Variants in SEC31B observed in about 807,000 individuals in gnomAD.
SEC31B encodes the protein SEC31 homolog B, COPII component, also known as protein transport protein Sec31B.
SEC31B carries 113 observed loss-of-function variants against 135.0 expected under a neutral mutation model. That is an observed-to-expected ratio of 0.84 (90% confidence interval 0.72 to 0.98). SEC31B has a LOEUF of 0.98. Ranked by LOEUF, SEC31B falls within the 50% of genes least tolerant of loss-of-function variation. SEC31B has a pLI of 0.00. For synonymous variants in SEC31B, 508 were observed against 549.4 expected, an observed-to-expected ratio of 0.92 and a Z score of 1.05; for missense variants, 1,296 against 1,421.1, an observed-to-expected ratio of 0.91 and a Z score of 1.42.
chr10:100,502,565 A>G (rs1851543934), intron 10 of SEC31B, 81 bp from the exon 11 acceptor site: 1 of 846,842 alleles, frequency 1.2e-6, no homozygotes, highest in South Asian at 1.7e-5. Context: ...AGAGAAGGCT[A>G]TCTAATGGCT....
Position 100,489,717 on chromosome 10 carries a change from G to C in SEC31B, c.3010C>G (p.Leu1004Val). 1 of 1,614,212 alleles carries C rather than the reference G, an allele frequency of 6.2e-7. No individual in the cohort carries two copies. The highest frequency in any genetic ancestry group is 8.5e-7 in the Non-Finnish European group (1 of 1,180,032). Residue 1004 changes from leucine to valine, a missense_variant, in exon 22 of 26, where the codon CTC (leucine) becomes GTC (valine). Leu to Val is a conservative substitution (Grantham distance 32). Transcript: ENST00000370345. Reference sequence around the variant, plus strand: ...GATGCATTGACCTTGTTCCTCTGGAGGTTTCCCCTGGGGGCTGGGGCTTCT... The same window carrying C: ...GATGCATTGACCTTGTTCCTCTGGACGTTTCCCCTGGGGGCTGGGGCTTCT... Reference protein sequence around the residue: ...WKEAPAPRGNLQRNKLPETFM... With the variant: ...WKEAPAPRGNVQRNKLPETFM...
chr10:100,493,402 A>G (rs1444055481), intron 19 of SEC31B, among the ~76,000 whole-genome samples: 2 of 152,056 alleles, frequency 1.3e-5, no homozygotes, highest in Non-Finnish European at 2.9e-5. Context: ...ACCATGGTAC[A>G]TTCACACCAT....
intron 6 of SEC31B, 121 bp downstream of exon 6, chr10:100,507,787 G>C: frequency 1.4e-6 from 2 of 1,405,194 alleles, no homozygotes; most frequent in South Asian, 1.3e-5. Flanking sequence ...TGTGCTAAGC[G>C]GCTGACTCCA....
At chr10:100,496,496 C>A in intron 17 of SEC31B, 65 bp from the exon 18 acceptor site, 1 of 1,544,658 alleles carries the variant, frequency 6.5e-7, no homozygotes, top group Admixed American at 1.7e-5. Context: ...TAAGTCCACG[C>A]AGCTCATTCA....
At chr10:100,509,227 A>T in intron 4 of SEC31B, 89 bp downstream of exon 4, 1 of 1,502,496 alleles carries the variant, frequency 6.7e-7, no homozygotes, top group African/African-American at 1.4e-5. Flanking sequence ...AAGGGGTCAG[A>T]GTTACAGACT....
rs754148827 is a variant in SEC31B, at chr10:100,506,459, T to C, written c.783-39A>G. ...GGAAGAGGAACTAGCATTTGTTGAA[T>C]GCCTACTATGAGTAGGGTGCCTTAT... is the stretch of plus-strand genomic sequence containing the variant. On this transcript the variant is annotated intron_variant, in intron 7 of 25. Transcript: ENST00000370345. The C allele has an allele frequency of 2.5e-6, 4 of 1,587,884 alleles. No individual in the cohort carries two copies. The South Asian group carries it at 4.4e-5, about 18-fold the overall frequency.
rs146844675 is a variant in SEC31B at position 100,486,939 on chromosome 10, C to T, written c.*677G>A. ...TGGTTCCCCTGCTCCTGTCTCACAGCCTAAGACAGCTTCCAGCAAAAGGCA... is the reference window on the plus strand; with the variant it reads ...TGGTTCCCCTGCTCCTGTCTCACAGTCTAAGACAGCTTCCAGCAAAAGGCA... On this transcript the variant is annotated 3_prime_UTR_variant, in exon 26 of 26. Transcript: ENST00000370345. 1 of 152,694 alleles carries T rather than the reference C, an allele frequency of 6.5e-6. No homozygotes were observed. Among genetic ancestry groups the T allele is most frequent in the East Asian group, 1.9e-4 (1 of 5,190 alleles). 9.5% of individuals were successfully genotyped at this position (152,694 alleles called of 1,614,324 possible).
At chr10:100,497,867 TC>T in intron 15 of SEC31B, 74 bp from the exon 16 acceptor site, 1 of 1,610,866 alleles carries the variant, frequency 6.2e-7, no homozygotes. Context: ...TGCACAGGCC[TC>T]CTGTTAGAGC....
intron 19 of SEC31B, chr10:100,495,073 G>A (rs1333668969): frequency 2.6e-5 from 9 of 345,108 alleles, no homozygotes; most frequent in South Asian, 4.9e-5. Flanking sequence ...TGATCTGCCC[G>A]CTTTGGCCTC....
rs1368312157 is a variant in SEC31B, at chr10:100,508,995, G to T, written c.495+12C>A. 1 of 1,603,278 alleles carries T rather than the reference G, an allele frequency of 6.2e-7. No homozygotes were observed. The highest frequency in any genetic ancestry group is 1.3e-5 in the African/African-American group (1 of 74,670). On this transcript the variant is annotated intron_variant, in intron 5 of 25. Coordinates refer to ENST00000370345, the MANE Select transcript of SEC31B (RefSeq NM_015490.4). ...GCACACTCCAGGGTTGGGTAGTGGG[G>T]GTGCTGCTCACCTGTGACTTGGATC...
chr10:100,488,775 C>T, intron 24 of SEC31B, 83 bp downstream of exon 24: 1 of 1,477,744 alleles, frequency 6.8e-7, no homozygotes, highest in Non-Finnish European at 9.0e-7. Flanking sequence ...AAGAGAGTCA[C>T]ACAAGGAACT....
chr10:100,506,970 A>C (rs940269884), intron 7 of SEC31B, among the ~76,000 whole-genome samples: 7 of 152,180 alleles, frequency 4.6e-5, no homozygotes, highest in African/African-American at 1.7e-4. Context: ...GTCTAAAAAA[A>C]TAAAGGTACC....
chr10:100,493,129 T>G (rs974716286), intron 19 of SEC31B, among the ~76,000 whole-genome samples: 1 of 152,130 alleles, frequency 6.6e-6, no homozygotes, highest in Non-Finnish European at 1.5e-5. Context: ...ATCCCAGCGC[T>G]TTGGGAGGCC....
chr10:100,497,000 G>T (rs1010399336), intron 17 of SEC31B, 135 bp downstream of exon 17: 12 of 922,504 alleles, frequency 1.3e-5, no homozygotes, highest in Non-Finnish European at 1.8e-5. Flanking sequence ...AGACATTCAG[G>T]ACCTTTCGCT....
chr10:100,497,146 T>C lies in SEC31B; in HGVS notation c.2125A>G (p.Met709Val). 2 of 1,614,150 alleles carry C rather than the reference T, an allele frequency of 1.2e-6. No homozygotes were observed. Among genetic ancestry groups the C allele is most frequent in the Non-Finnish European group, 1.7e-6 (2 of 1,180,024 alleles). ...WAKCHQALSP[M>V]ALQDLMEKVM... ...CAGAGAAGGGGTACCTGCAGAGCCA[T>C]GGGGGACAAAGCCTGGTGGCATTTT... The change falls in exon 17 of 26, where the codon ATG (methionine) becomes GTG (valine). Residue 709 changes from methionine (M) to valine (V), a missense_variant. Met to Val is a conservative substitution (Grantham distance 21, BLOSUM62 1). Transcript: ENST00000370345.
At chr10:100,507,764 T>C in intron 6 of SEC31B, 144 bp downstream of exon 6, 1 of 1,312,264 alleles carries the variant, frequency 7.6e-7, no homozygotes, top group Non-Finnish European at 1.1e-6. Context: ...AAGTTTTCAC[T>C]CTCAATAGGA....
chr10:100,509,044 T>C lies in SEC31B; in HGVS notation c.458A>G (p.Asn153Ser), dbSNP rs1467799390. ...TCCCAGGGTCATTGGCACATTCAAGTTATTCAGATCCCAAATGAAGATTTC... is the reference window on the plus strand; with the variant it reads ...TCCCAGGGTCATTGGCACATTCAAGCTATTCAGATCCCAAATGAAGATTTC... ...DSEIFIWDLNNLNVPMTLGSK... is the reference protein window; with the variant it reads ...DSEIFIWDLNSLNVPMTLGSK... Residue 153 changes from asparagine to serine, a missense_variant, in exon 5 of 26, where the codon AAC (asparagine) becomes AGC (serine). Physicochemically the swap from Asn to Ser is conservative, Grantham distance 46. Coordinates refer to ENST00000370345, the MANE Select transcript of SEC31B (RefSeq NM_015490.4). 1 of 1,614,028 alleles carries C rather than the reference T, an allele frequency of 6.2e-7. No homozygotes were observed. The highest frequency in any genetic ancestry group is 1.3e-5 in the African/African-American group (1 of 74,904).
Position 100,488,219 on chromosome 10 carries a change from G to T in SEC31B, c.3289-121C>A, listed in dbSNP as rs1224537497. 6.0e-6 allele frequency: 5 copies of T among 835,200 alleles called. No homozygotes were observed. The African/African-American group carries it at 8.4e-5, about 14-fold the overall frequency. 51.7% of individuals were successfully genotyped at this position (835,200 alleles called of 1,614,324 possible). A position where few individuals can be genotyped will look rare whatever the true frequency, so the allele number is the denominator to read the frequency against. On this transcript the variant is annotated intron_variant, in intron 24 of 25. Coordinates refer to ENST00000370345, the MANE Select transcript of SEC31B (RefSeq NM_015490.4). The stretch of plus-strand genomic sequence containing the variant: ...TCACGCCTGTAATCCCAGCACCTTG[G>T]GAGGCCAAGGCGGGTGGATCATGAG...
At position 100,509,949 on chromosome 10, in the gene SEC31B, C is replaced by T. The variant is rs371981461; in HGVS notation, c.204-438G>A. Among the ~76,000 whole-genome samples the T allele has an allele frequency of 1.4e-4, 22 of 152,270 alleles. 1 individual carries two copies. In the East Asian group the frequency reaches 1.5e-3, roughly 11 times the overall value. ...GTTTTAAGTGCTCTAGGTGTATTAG[C>T]TGTCTGAACATTTAACAACCTCATG... On this transcript the variant is annotated intron_variant, in intron 3 of 25. Transcript: ENST00000370345.
Sources: gnomAD v4.1 joint callset for allele counts (sites outside exome capture counted in the v4.1 genomes callset) on GRCh38, gnomAD v4.1.1 for gene constraint, MANE v1.5 for transcripts, NCBI Gene and HGNC (gene_info 2026-07-23, HGNC 2026-07-21) for gene names.